Variants in LRRC72 observed in about 807,000 individuals in gnomAD.
LRRC72 encodes leucine-rich repeat-containing protein 72.
In LRRC72, 41 loss-of-function variants were observed where a neutral mutation model predicts 35.8. The observed-to-expected ratio is 1.15, with a 90% CI of 0.89 to 1.49. The LOEUF is 1.49. LRRC72 is among the 40% of genes most tolerant of loss of function. The probability of loss-of-function intolerance (pLI) is 0.00; values close to 1 mark genes in which losing one functional copy is unlikely to be tolerated. For missense variants in LRRC72, 389 were observed against 330.7 expected (o/e 1.18, Z -1.37); for synonymous variants, 118 against 119.2 (o/e 0.99, Z 0.07).
chr7:16,537,946 T>C (rs556957125), intron 3 of LRRC72, among the ~76,000 whole-genome samples: 5 of 152,290 alleles, frequency 3.3e-5, no homozygotes, highest in Admixed American at 2.6e-4. Flanking sequence ...TACTTTTGTC[T>C]CCCACGTCCT....
chr7:16,573,402 T>A, intron 7 of LRRC72, among the ~76,000 whole-genome samples: 1 of 152,190 alleles, frequency 6.6e-6, no homozygotes, highest in African/African-American at 2.4e-5. Context: ...GATTTCAAAC[T>A]ATACAACATG....
At chr7:16,530,447 A>T (rs1230295528) in intron 1 of LRRC72, 1 of 152,184 alleles carries the variant, frequency 6.6e-6, no homozygotes, top group Non-Finnish European at 1.5e-5. Flanking sequence ...CAGTCCACTA[A>T]TACTAATGCT....
At chr7:16,528,143 C>T (rs1169798230) in intron 1 of LRRC72, among the ~76,000 whole-genome samples, 1 of 152,172 alleles carries the variant, frequency 6.6e-6, no homozygotes, top group Non-Finnish European at 1.5e-5. Flanking sequence ...GAAATTCTAC[C>T]TTCTTCAAAT....
intron 5 of LRRC72, among the ~76,000 whole-genome samples, chr7:16,560,153 CTTTAGAG>C (rs1380876375): frequency 6.6e-6 from 1 of 152,154 alleles, no homozygotes; most frequent in Admixed American, 6.5e-5. Context: ...GGTTTTCAGA[CTTTAGAG>C]TTTAGAGACC....
intron 7 of LRRC72, among the ~76,000 whole-genome samples, chr7:16,568,556 A>G: frequency 6.6e-6 from 1 of 152,234 alleles, no homozygotes; most frequent in Non-Finnish European, 1.5e-5. Flanking sequence ...AATTATAGAT[A>G]GAAATTGAGC....
At chr7:16,560,994 G>A (rs1040477302) in intron 5 of LRRC72, among the ~76,000 whole-genome samples, 2 of 152,086 alleles carry the variant, frequency 1.3e-5, no homozygotes, top group African/African-American at 4.8e-5. Context: ...GAAATGAAAA[G>A]CTCAGAGATT....
chr7:16,578,245 G>A (rs529948883), intron 7 of LRRC72, among the ~76,000 whole-genome samples: 1 of 152,224 alleles, frequency 6.6e-6, no homozygotes, highest in East Asian at 1.9e-4. Flanking sequence ...TGGCAAGGCG[G>A]GCAGATCACC....
intron 7 of LRRC72, among the ~76,000 whole-genome samples, chr7:16,569,951 A>C (rs1782913772): frequency 1.3e-5 from 2 of 151,632 alleles, no homozygotes; most frequent in Admixed American, 1.3e-4. Context: ...AATCGCTTGC[A>C]CCTGGGAGGT....
chr7:16,552,003 A>C (rs1004900027), intron 3 of LRRC72, among the ~76,000 whole-genome samples: 7 of 152,198 alleles, frequency 4.6e-5, no homozygotes, highest in Non-Finnish European at 8.8e-5. Flanking sequence ...ATGGTGCAGA[A>C]ATTCAACTGG....
At chr7:16,527,966 T>A (rs1470605845) in intron 1 of LRRC72, among the ~76,000 whole-genome samples, 1 of 152,168 alleles carries the variant, frequency 6.6e-6, no homozygotes, top group East Asian at 1.9e-4. Flanking sequence ...ATGCTAGAAC[T>A]GTTCACATCC....
intron 3 of LRRC72, among the ~76,000 whole-genome samples, chr7:16,548,183 C>G (rs559583042): frequency 1.3e-5 from 2 of 152,328 alleles, no homozygotes; most frequent in African/African-American, 4.8e-5. Context: ...TGCAGGTCTT[C>G]TCTAAGGTGT....
Position 16,526,843 on chromosome 7 carries a change from A to C in LRRC72, c.-110A>C, listed in dbSNP as rs1782074823. ...GGCTTTTAGTCAACGGGAATGCGGT[A>C]ACTGTTGGTAACAGAACAACGAGCT... On this transcript the variant is annotated 5_prime_UTR_variant, in exon 1 of 9. It removes the in-frame stop codon of an upstream open reading frame in the 5' UTR. Coordinates refer to ENST00000401542, the MANE Select transcript of LRRC72 (RefSeq NM_001195280.2). 1 of 830,444 alleles carries C rather than the reference A, an allele frequency of 1.2e-6. No individual in the cohort carries two copies. The highest frequency in any genetic ancestry group is 2.7e-5 in the East Asian group (1 of 37,084). The allele number at this position is 830,444 out of a possible 1,614,324, so 51.4% of individuals were successfully genotyped here.
intron 3 of LRRC72, among the ~76,000 whole-genome samples, chr7:16,539,944 G>A (rs1403634875): frequency 2.6e-5 from 4 of 152,246 alleles, no homozygotes; most frequent in African/African-American, 4.8e-5. Flanking sequence ...CTCCACTAGG[G>A]CAATGCAGAG....
chr7:16,561,511 G>A (rs1285865905), intron 5 of LRRC72, among the ~76,000 whole-genome samples: 2 of 152,046 alleles, frequency 1.3e-5, no homozygotes, highest in Non-Finnish European at 2.9e-5. Context: ...ATGAGGAGTG[G>A]GAATTTTCTA....
At chr7:16,552,832 C>A (rs1215353680) in intron 3 of LRRC72, among the ~76,000 whole-genome samples, 3 of 152,138 alleles carry the variant, frequency 2.0e-5, no homozygotes, top group African/African-American at 7.2e-5. Flanking sequence ...AGCTTCGTGT[C>A]CTGAACGTTA....
intron 3 of LRRC72, among the ~76,000 whole-genome samples, chr7:16,553,605 G>A (rs1782594035): frequency 6.6e-6 from 1 of 152,162 alleles, no homozygotes; most frequent in Non-Finnish European, 1.5e-5. Context: ...ATTTCACAAT[G>A]TCTAGAGACA....
At chr7:16,544,878 C>T (rs1273958600) in intron 3 of LRRC72, among the ~76,000 whole-genome samples, 2 of 152,198 alleles carry the variant, frequency 1.3e-5, no homozygotes, top group African/African-American at 4.8e-5. Flanking sequence ...GCAGCAAAAA[C>T]CAATGGTTAA....
At chr7:16,578,827 C>G (rs1224376017) in intron 7 of LRRC72, among the ~76,000 whole-genome samples, 1 of 152,044 alleles carries the variant, frequency 6.6e-6, no homozygotes, top group African/African-American at 2.4e-5. Context: ...ATGGATGACA[C>G]TGGAGAGCGT....
At chr7:16,538,502 C>G (rs73297268) in intron 3 of LRRC72, among the ~76,000 whole-genome samples, 11,767 of 152,200 alleles carry the variant, frequency 0.077, 525 homozygotes, top group Admixed American at 0.11. Context: ...TGGCAAATCA[C>G]CCTCACGTGC....
Sources: allele counts gnomAD v4.1 joint callset (sites outside exome capture counted in the v4.1 genomes callset), GRCh38; gene constraint gnomAD v4.1.1; transcripts MANE v1.5; gene names NCBI Gene and HGNC (gene_info 2026-07-23, HGNC 2026-07-21).